The following PCDHA1 variants were observed in gnomAD, a reference collection of about 807,000 sequenced individuals.
PCDHA1 encodes protocadherin alpha-1.
In PCDHA1, 42 loss-of-function variants were observed where a neutral mutation model predicts 61.3. The ratio of observed to expected loss-of-function variants is 0.69; its 90% CI spans 0.54 to 0.89. PCDHA1 has a LOEUF of 0.89. Ranked by LOEUF, PCDHA1 falls within the 40% of genes least tolerant of loss-of-function variation. PCDHA1 has a pLI of 0.00. For missense variants in PCDHA1, 1,256 were observed against 1,235.3 expected (o/e 1.02, Z -0.25); for synonymous variants, 610 against 553.8 (o/e 1.10, Z -1.43).
intron 3 of PCDHA1, 162 bp downstream of exon 3, chr5:140,982,725 A>G (rs2096999365): frequency 1.1e-6 from 1 of 902,882 alleles, no homozygotes; most frequent in African/African-American, 1.8e-5. Flanking sequence ...GATTATTTTG[A>G]TTTTATACCT....
intron 1 of PCDHA1, among the ~76,000 whole-genome samples, chr5:140,840,071 T>C (rs1307463019): frequency 6.6e-6 from 1 of 151,952 alleles, no homozygotes; most frequent in Non-Finnish European, 1.5e-5. Flanking sequence ...AATTAGTCAA[T>C]AGAAAGATAA....
In PCDHA1 at chr5:141,009,879, A is replaced by T. The variant is rs2098415109; in HGVS notation, c.2795A>T (p.Asn932Ile). The T allele has an allele frequency of 1.2e-6, 2 of 1,613,766 alleles. No individual in the cohort carries two copies. The highest frequency in any genetic ancestry group is 3.3e-5 in the Admixed American group (2 of 59,900). Reference sequence around the variant, plus strand: ...AAAAAGAAGAAAAAGAAGAAGGGTAACAAGACCCAGGAGAAAAAAGAGAAA... The same window carrying T: ...AAAAAGAAGAAAAAGAAGAAGGGTATCAAGACCCAGGAGAAAAAAGAGAAA... The part of the protein sequence containing the change: ...TKKKKKKKKG[N>I]KTQEKKEKGN... Residue 932 changes from asparagine to isoleucine, a missense_variant, in exon 4 of 4, where the codon AAC (asparagine) becomes ATC (isoleucine). Coordinates refer to ENST00000504120, the MANE Select transcript of PCDHA1 (RefSeq NM_018900.4).
chr5:140,853,369 T>G, intron 1 of PCDHA1: 1 of 982,984 alleles, frequency 1.0e-6, no homozygotes, highest in African/African-American at 1.8e-5. Flanking sequence ...GATCCAGAGA[T>G]GGTAAAATTC....
chr5:140,944,608 G>A (rs2093673405), intron 1 of PCDHA1, among the ~76,000 whole-genome samples: 1 of 152,176 alleles, frequency 6.6e-6, no homozygotes, highest in Non-Finnish European at 1.5e-5. Flanking sequence ...AGAGTAGTGT[G>A]CTGTAGAAGT....
chr5:140,795,349 A>G, intron 1 of PCDHA1: 1 of 1,614,142 alleles, frequency 6.2e-7, no homozygotes, highest in East Asian at 2.2e-5. Flanking sequence ...CATTAACGAC[A>G]ACCCGCCAAT....
chr5:140,808,913 G>A, intron 1 of PCDHA1: 1 of 1,613,560 alleles, frequency 6.2e-7, no homozygotes, highest in Non-Finnish European at 8.5e-7. Context: ...CACTGGTGGC[G>A]CAGTGAGCGA....
chr5:140,805,016 C>T (rs879973697), intron 1 of PCDHA1: 13 of 1,562,148 alleles, frequency 8.3e-6, no homozygotes, highest in Non-Finnish European at 1.0e-5. Context: ...CTGTTATCAG[C>T]TTCTTGAATA....
intron 1 of PCDHA1, among the ~76,000 whole-genome samples, chr5:140,951,082 C>CT (rs573059224): frequency 1.2e-3 from 178 of 151,520 alleles, no homozygotes; most frequent in African/African-American, 4.1e-3. Context: ...TTATATTTTC[C>CT]TTTTTTTCTG....
At chr5:140,854,722 C>G (rs78325333) in intron 1 of PCDHA1, 1 of 149,404 alleles carries the variant, frequency 6.7e-6, no homozygotes, top group African/African-American at 2.5e-5. Flanking sequence ...ACAGAAAACT[C>G]AAGTTTTTTT....
At chr5:140,858,548 T>A in intron 1 of PCDHA1, 1 of 1,394,090 alleles carries the variant, frequency 7.2e-7, no homozygotes, top group African/African-American at 1.4e-5. Flanking sequence ...ATTCCATTTA[T>A]GCTTGAATAT....
At chr5:140,901,644 G>A (rs1223864756) in intron 1 of PCDHA1, among the ~76,000 whole-genome samples, 1 of 152,024 alleles carries the variant, frequency 6.6e-6, no homozygotes, top group Non-Finnish European at 1.5e-5. Context: ...GATTCTTCCG[G>A]TTTTGTTCTT....
At position 141,011,612 on chromosome 5, in the gene PCDHA1, G is replaced by A. The variant is rs1031311936; in HGVS notation, c.*1675G>A. 11 of 153,524 alleles carry A rather than the reference G, an allele frequency of 7.2e-5. No individual in the cohort carries two copies. The highest frequency in any genetic ancestry group is 1.6e-4 in the Non-Finnish European group (11 of 67,990). 9.5% of individuals were successfully genotyped at this position (153,524 alleles called of 1,614,324 possible). A position where few individuals can be genotyped will look rare whatever the true frequency, so the allele number is the denominator to read the frequency against. On this transcript the variant is annotated 3_prime_UTR_variant, in exon 4 of 4. Coordinates refer to ENST00000504120, the MANE Select transcript of PCDHA1 (RefSeq NM_018900.4). ...TGGTGATTCAAGGAATTTTATTTAT[G>A]GTCCAGCCAAGAGCCATCTCGTGCC...
chr5:140,830,602 A>G (rs970606519), intron 1 of PCDHA1: 1 of 658,624 alleles, frequency 1.5e-6, no homozygotes, highest in Non-Finnish European at 2.3e-6. Flanking sequence ...AAAATTACAT[A>G]TTTTCATTTT....
At chr5:140,829,606 G>C (rs782620810) in intron 1 of PCDHA1, 7 of 1,611,952 alleles carry the variant, frequency 4.3e-6, no homozygotes, top group African/African-American at 2.7e-5. Flanking sequence ...GCGCGTTGTC[G>C]AGCTACATTT....
At chr5:140,847,086 A>G (rs1439792842) in intron 1 of PCDHA1, among the ~76,000 whole-genome samples, 1 of 149,852 alleles carries the variant, frequency 6.7e-6, no homozygotes, top group East Asian at 1.9e-4. Flanking sequence ...AGAAAAGTCC[A>G]CTTTGGTTAA....
intron 1 of PCDHA1, chr5:140,851,769 T>C: frequency 1.0e-6 from 1 of 967,128 alleles, no homozygotes; most frequent in Non-Finnish European, 1.2e-6. Flanking sequence ...ATTACCCTTA[T>C]GAATTTAGAT....
At chr5:140,995,903 G>A (rs1554254885) in intron 3 of PCDHA1, among the ~76,000 whole-genome samples, 2 of 152,206 alleles carry the variant, frequency 1.3e-5, no homozygotes, top group East Asian at 1.9e-4. Flanking sequence ...ATGTATAAAA[G>A]AGGAGAGACC....
chr5:140,813,460 T>A (rs1554126200), intron 1 of PCDHA1: 1 of 152,200 alleles, frequency 6.6e-6, no homozygotes, highest in Non-Finnish European at 1.5e-5. Flanking sequence ...CAATGGTAAG[T>A]ATTTGTATAC....
Position 141,009,823 on chromosome 5 carries a change from C to T in PCDHA1, c.2739C>T (p.Phe913=), listed in dbSNP as rs2098414711. Residue 913 remains phenylalanine, a synonymous_variant, in exon 4 of 4, where the codon TTC becomes TTT. Transcript: ENST00000504120. The part of the protein sequence containing the change: ...PTNSQIDKSD[F]ITFGKKEETK... ...ACAGCCAAATTGACAAAAGTGACTTCATAACCTTCGGCAAAAAGGAGGAGA... is the reference window on the plus strand; with the variant it reads ...ACAGCCAAATTGACAAAAGTGACTTTATAACCTTCGGCAAAAAGGAGGAGA... 4 of 1,614,030 alleles carry T rather than the reference C, an allele frequency of 2.5e-6. No individual in the cohort carries two copies. The highest frequency in any genetic ancestry group is 3.4e-6 in the Non-Finnish European group (4 of 1,180,010).
Sources: allele counts gnomAD v4.1 joint callset (sites outside exome capture counted in the v4.1 genomes callset), GRCh38; gene constraint gnomAD v4.1.1; transcripts MANE v1.5; gene names NCBI Gene and HGNC (gene_info 2026-07-23, HGNC 2026-07-21).